PCDH9: variants seen among roughly 807,000 people sequenced by gnomAD.
PCDH9 encodes the protein protocadherin-9.
Under a neutral mutation model 70.6 loss-of-function variants are expected in PCDH9, and 24 were observed. That is an observed-to-expected ratio of 0.34 (90% confidence interval 0.25 to 0.48). The LOEUF (loss-of-function observed/expected upper bound fraction) is 0.48. PCDH9 is among the 20% of genes least tolerant of loss of function. PCDH9 has a pLI of 0.99. For synonymous variants in PCDH9, 562 were observed against 558.5 expected (o/e 1.01, Z -0.09); for missense variants, 1,281 against 1,503.6 (o/e 0.85, Z 2.45).
chr13:66,763,960 G>A (rs974075027), intron 3 of PCDH9, among the ~76,000 whole-genome samples: 4 of 151,704 alleles, frequency 2.6e-5, no homozygotes, highest in African/African-American at 9.7e-5. Flanking sequence ...CACAACACTC[G>A]ACTAATTGTT....
intron 2 of PCDH9, among the ~76,000 whole-genome samples, chr13:67,072,380 C>A (rs186140986): frequency 6.6e-6 from 1 of 152,132 alleles, no homozygotes; most frequent in Non-Finnish European, 1.5e-5. Context: ...TTGCTGAGGT[C>A]CCTGCATTTT....
intron 2 of PCDH9, among the ~76,000 whole-genome samples, chr13:67,172,692 A>T (rs1008921319): frequency 3.3e-5 from 5 of 151,996 alleles, no homozygotes; most frequent in Non-Finnish European, 5.9e-5. Context: ...AGCCTGACCA[A>T]AAAGGGGAAA....
chr13:67,112,785 A>G (rs968441792), intron 2 of PCDH9, among the ~76,000 whole-genome samples: 1 of 151,402 alleles, frequency 6.6e-6, no homozygotes, highest in Non-Finnish European at 1.5e-5. Flanking sequence ...TTGAACAATC[A>G]CGGTTAACTG....
chr13:66,593,351 G>T (rs1457298999), intron 4 of PCDH9, among the ~76,000 whole-genome samples: 1 of 151,546 alleles, frequency 6.6e-6, no homozygotes, highest in Non-Finnish European at 1.5e-5. Flanking sequence ...GCAATGAATT[G>T]ATATATGAAT....
intron 2 of PCDH9, among the ~76,000 whole-genome samples, chr13:66,917,482 C>G (rs188177707): frequency 1.3e-5 from 2 of 151,526 alleles, no homozygotes; most frequent in East Asian, 3.9e-4. Flanking sequence ...ACACTAATCA[C>G]TACAGTCTTG....
At chr13:66,971,615 A>T (rs1021182468) in intron 2 of PCDH9, among the ~76,000 whole-genome samples, 1 of 151,942 alleles carries the variant, frequency 6.6e-6, no homozygotes, top group Non-Finnish European at 1.5e-5. Flanking sequence ...GTCTCTTTTA[A>T]TTGCTTAAAC....
intron 4 of PCDH9, among the ~76,000 whole-genome samples, chr13:66,322,038 G>T (rs564420714): frequency 6.9e-6 from 1 of 144,172 alleles, no homozygotes; most frequent in East Asian, 2.1e-4. Context: ...GCCATACATT[G>T]TATATTTGGA....
At chr13:66,735,342 TAGAG>T (rs2079132144) in intron 3 of PCDH9, among the ~76,000 whole-genome samples, 2 of 152,114 alleles carry the variant, frequency 1.3e-5, no homozygotes, top group South Asian at 2.1e-4. Context: ...ATTAATGAAA[TAGAG>T]AGATTTGTGA....
intron 2 of PCDH9, among the ~76,000 whole-genome samples, chr13:67,081,865 T>C (rs2085990222): frequency 6.6e-6 from 1 of 152,186 alleles, no homozygotes; most frequent in Non-Finnish European, 1.5e-5. Context: ...TTTTTCTTTA[T>C]TCAATGTTTC....
intron 3 of PCDH9, among the ~76,000 whole-genome samples, chr13:66,745,253 T>C (rs969406346): frequency 1.3e-5 from 2 of 152,198 alleles, no homozygotes; most frequent in African/African-American, 4.8e-5. Flanking sequence ...AATATTTTAT[T>C]AATCTATGTT....
At chr13:66,704,892 A>C (rs1267063555) in intron 3 of PCDH9, among the ~76,000 whole-genome samples, 1 of 152,158 alleles carries the variant, frequency 6.6e-6, no homozygotes, top group East Asian at 1.9e-4. Flanking sequence ...TGGTATTAAA[A>C]TAGTCATATA....
chr13:66,833,223 C>A (rs891214900), intron 3 of PCDH9, among the ~76,000 whole-genome samples: 1 of 152,192 alleles, frequency 6.6e-6, no homozygotes, highest in Admixed American at 6.5e-5. Context: ...AGTAACATTA[C>A]ATAATATGCC....
chr13:66,554,745 A>T (rs1961649940), intron 4 of PCDH9, among the ~76,000 whole-genome samples: 1 of 152,214 alleles, frequency 6.6e-6, no homozygotes, highest in Admixed American at 6.5e-5. Flanking sequence ...TAATTTAAAC[A>T]TTTGGAGAAA....
intron 4 of PCDH9, among the ~76,000 whole-genome samples, chr13:66,445,141 T>C (rs981604686): frequency 2.7e-5 from 4 of 147,226 alleles, no homozygotes; most frequent in Admixed American, 6.9e-5. Flanking sequence ...TAAAATATAT[T>C]ACATATATTA....
In PCDH9 at chr13:66,552,261, A is replaced by T. The variant is rs149940491; in HGVS notation, c.3340+78949T>A. ...GATATTGATTCCTGGATTCTAAATT[A>T]TTCCCCTATCTCAACCTATGCTGCT... is the stretch of plus-strand genomic sequence containing the variant. On this transcript the variant is annotated intron_variant, in intron 4 of 4. Transcript: ENST00000377865. 4.9e-3 allele frequency among the ~76,000 whole-genome samples: 752 copies of T among 152,248 alleles called. 2 individuals carry two copies. The highest frequency in any genetic ancestry group is 7.2e-3 in the Non-Finnish European group (487 of 68,030).
chr13:66,650,176 CA>C (rs543460038), intron 3 of PCDH9, among the ~76,000 whole-genome samples: 1 of 150,802 alleles, frequency 6.6e-6, no homozygotes, highest in East Asian at 1.9e-4. Context: ...ACTGTCCAAT[CA>C]AAAAAAATAG....
At chr13:66,799,331 C>G (rs541046158) in intron 3 of PCDH9, among the ~76,000 whole-genome samples, 3 of 152,068 alleles carry the variant, frequency 2.0e-5, no homozygotes, top group East Asian at 1.9e-4. Context: ...TTGTGGGGAG[C>G]CTGTCACACA....
chr13:66,474,121 C>T (rs1442989212), intron 4 of PCDH9, among the ~76,000 whole-genome samples: 1 of 152,082 alleles, frequency 6.6e-6, no homozygotes, highest in Non-Finnish European at 1.5e-5. Flanking sequence ...CATAACTAAC[C>T]TTTGAATATT....
At chr13:66,736,092 A>G (rs1052452909) in intron 3 of PCDH9, among the ~76,000 whole-genome samples, 1 of 152,192 alleles carries the variant, frequency 6.6e-6, no homozygotes, top group Non-Finnish European at 1.5e-5. Flanking sequence ...TGTATCTTTC[A>G]TTATCTATTA....
Sources: allele counts gnomAD v4.1 joint callset (sites outside exome capture counted in the v4.1 genomes callset), GRCh38; gene constraint gnomAD v4.1.1; transcripts MANE v1.5; gene names NCBI Gene and HGNC (gene_info 2026-07-23, HGNC 2026-07-21).